The following ZFYVE9 variants were observed in gnomAD, a reference collection of about 807,000 sequenced individuals.
ZFYVE9 encodes zinc finger FYVE domain-containing protein 9.
In ZFYVE9, 43 loss-of-function variants were observed where a neutral mutation model predicts 126.7. That is an observed-to-expected ratio of 0.34 (90% confidence interval 0.27 to 0.44). The LOEUF (loss-of-function observed/expected upper bound fraction) is 0.44, where lower values mean the gene tolerates loss of function less well. Among genes scored for constraint, ZFYVE9 ranks in the 20% least tolerant of loss-of-function variants. ZFYVE9 has a pLI of 1.00. For synonymous variants in ZFYVE9, 521 were observed against 597.4 expected (o/e 0.87, Z 1.87); for missense variants, 1,476 against 1,697.0 (o/e 0.87, Z 2.29).
chr1:52,177,145 C>G (rs1644641387), intron 1 of ZFYVE9, among the ~76,000 whole-genome samples: 1 of 151,748 alleles, frequency 6.6e-6, no homozygotes, highest in Non-Finnish European at 1.5e-5. Flanking sequence ...GCTCCCCAGC[C>G]CGATTTTTTT....
chr1:52,341,596 A>G (rs1646438116), intron 17 of ZFYVE9, among the ~76,000 whole-genome samples: 1 of 152,252 alleles, frequency 6.6e-6, no homozygotes, highest in South Asian at 2.1e-4. Flanking sequence ...TTAAATTATA[A>G]GATCTCTAGG....
intron 1 of ZFYVE9, among the ~76,000 whole-genome samples, chr1:52,168,416 C>T (rs928361577): frequency 2.1e-4 from 32 of 151,802 alleles, no homozygotes; most frequent in African/African-American, 7.5e-4. Context: ...GGGGTTTCAC[C>T]GTATTGGTCA....
intron 16 of ZFYVE9, among the ~76,000 whole-genome samples, chr1:52,339,062 G>A (rs1051789162): frequency 5.9e-5 from 9 of 152,304 alleles, no homozygotes; most frequent in Middle Eastern, 3.4e-3. Flanking sequence ...AAAATTGTTA[G>A]GGAAAGTTTA....
At chr1:52,160,143 T>A in intron 1 of ZFYVE9, 1 of 618,444 alleles carries the variant, frequency 1.6e-6, no homozygotes. Flanking sequence ...CACATAACAC[T>A]ATTCTCTGGA....
At chr1:52,299,103 C>T (rs750297140) in intron 12 of ZFYVE9, among the ~76,000 whole-genome samples, 4 of 152,068 alleles carry the variant, frequency 2.6e-5, no homozygotes, top group Admixed American at 6.6e-5. Context: ...CCACCTTGCC[C>T]GGCCCTTTTT....
intron 13 of ZFYVE9, among the ~76,000 whole-genome samples, chr1:52,304,170 C>T (rs1391693155): frequency 6.6e-6 from 1 of 152,012 alleles, no homozygotes; most frequent in African/African-American, 2.4e-5. Context: ...ATTAGATTTG[C>T]ATTTTGATTA....
At chr1:52,205,042 A>G (rs1345356450) in intron 1 of ZFYVE9, among the ~76,000 whole-genome samples, 2 of 145,846 alleles carry the variant, frequency 1.4e-5, no homozygotes, top group African/African-American at 5.1e-5. Context: ...GTCCCTTCGA[A>G]TTTGGGTCAG....
chr1:52,309,872 A>G (rs868235217), intron 13 of ZFYVE9, among the ~76,000 whole-genome samples: 11 of 152,220 alleles, frequency 7.2e-5, no homozygotes, highest in African/African-American at 1.9e-4. Flanking sequence ...TTCTGACGGC[A>G]TGGAAATTTT....
intron 9 of ZFYVE9, among the ~76,000 whole-genome samples, chr1:52,279,123 C>T (rs377021698): frequency 6.6e-5 from 10 of 152,064 alleles, no homozygotes; most frequent in Admixed American, 2.6e-4. Context: ...TGGAACTAAC[C>T]GAAACTCTCA....
chr1:52,210,732 G>A (rs974792959), intron 1 of ZFYVE9, among the ~76,000 whole-genome samples: 3 of 152,156 alleles, frequency 2.0e-5, no homozygotes, highest in Non-Finnish European at 4.4e-5. Flanking sequence ...TTGGCTCACT[G>A]CAACCTCCAC....
At chr1:52,277,905 CAT>C (rs1296620994) in intron 8 of ZFYVE9, among the ~76,000 whole-genome samples, 2 of 152,156 alleles carry the variant, frequency 1.3e-5, no homozygotes, top group African/African-American at 4.8e-5. Context: ...ATTTTAGTGA[CAT>C]ATGTACTAAA....
At chr1:52,154,386 T>G (rs1449318006) in intron 1 of ZFYVE9, among the ~76,000 whole-genome samples, 1 of 152,202 alleles carries the variant, frequency 6.6e-6, no homozygotes, top group African/African-American at 2.4e-5. Context: ...TTGGCCTTGG[T>G]AAATGGGAGT....
rs376276779 is a variant in ZFYVE9, at chr1:52,346,527, C to T, written c.*306C>T. ...TACTGTTTAGACAAGAATTCCGCTC[C>T]TCTCTCAAGATTTACTTATGGTCAT... On this transcript the variant is annotated 3_prime_UTR_variant, in exon 19 of 19. Coordinates refer to ENST00000287727, the MANE Select transcript of ZFYVE9 (RefSeq NM_004799.4). 1.7e-5 allele frequency: 7 copies of T among 411,080 alleles called. No individual in the cohort carries two copies. The East Asian group carries it at 1.7e-4, about 10-fold the overall frequency. 25.5% of individuals were successfully genotyped at this position (411,080 alleles called of 1,614,324 possible).
At chr1:52,261,862 G>A (rs548417803) in intron 4 of ZFYVE9, among the ~76,000 whole-genome samples, 1 of 152,210 alleles carries the variant, frequency 6.6e-6, no homozygotes, top group African/African-American at 2.4e-5. Context: ...TGGTCATGGC[G>A]AGGGAGAAGG....
At chr1:52,304,692 A>G (rs1003306183) in intron 13 of ZFYVE9, among the ~76,000 whole-genome samples, 1 of 152,026 alleles carries the variant, frequency 6.6e-6, no homozygotes, top group Non-Finnish European at 1.5e-5. Flanking sequence ...GTATGCACGT[A>G]GAATCACACA....
At chr1:52,144,164 AC>A (rs1255125245) in intron 1 of ZFYVE9, among the ~76,000 whole-genome samples, 1 of 152,166 alleles carries the variant, frequency 6.6e-6, no homozygotes, top group African/African-American at 2.4e-5. Flanking sequence ...TACTAAAAAT[AC>A]AAAAATTAGC....
At chr1:52,176,464 G>C (rs2124532335) in intron 1 of ZFYVE9, among the ~76,000 whole-genome samples, 1 of 152,264 alleles carries the variant, frequency 6.6e-6, no homozygotes, top group Admixed American at 6.5e-5. Context: ...TGAGGAGGCA[G>C]TCTGCCCATT....
At chr1:52,310,859 T>TTTG (rs1386193951) in intron 13 of ZFYVE9, among the ~76,000 whole-genome samples, 2 of 152,178 alleles carry the variant, frequency 1.3e-5, no homozygotes, top group Non-Finnish European at 2.9e-5. Flanking sequence ...TGACTAGTTT[T>TTTG]TTGTTGTTGT....
At chr1:52,273,917 T>C (rs1057122372) in intron 7 of ZFYVE9, among the ~76,000 whole-genome samples, 3 of 152,180 alleles carry the variant, frequency 2.0e-5, no homozygotes, top group Admixed American at 6.5e-5. Flanking sequence ...TTCCCTTTTT[T>C]ATTGTGGAAA....
Sources: allele counts gnomAD v4.1 joint callset (sites outside exome capture counted in the v4.1 genomes callset), GRCh38; gene constraint gnomAD v4.1.1; transcripts MANE v1.5; gene names NCBI Gene and HGNC (gene_info 2026-07-23, HGNC 2026-07-21).